Variants in CDADC1 observed in about 807,000 individuals in gnomAD.
The protein encoded by CDADC1 is cytidine and dCMP deaminase domain containing 1.
In CDADC1, 39 loss-of-function variants were observed where a neutral mutation model predicts 54.9. The ratio of observed to expected loss-of-function variants is 0.71; its 90% confidence interval spans 0.55 to 0.93. The LOEUF is 0.93. Among genes scored for constraint, CDADC1 ranks in the 40% least tolerant of loss-of-function variants. The pLI is 0.00. For synonymous variants in CDADC1, 186 were observed against 204.0 expected, an observed-to-expected ratio of 0.91 and a Z score of 0.75; for missense variants, 518 against 618.8, an observed-to-expected ratio of 0.84 and a Z score of 1.73.
rs1459309632 is a variant in CDADC1 at position 49,274,281 on chromosome 13, T to TATC, written c.1001-9_1001-7dup. The TATC allele has an allele frequency of 6.2e-7, 1 of 1,603,500 alleles. No individual in the cohort carries two copies. Among genetic ancestry groups the TATC allele is most frequent in the South Asian group, 1.1e-5 (1 of 90,114 alleles). On this transcript the variant is annotated splice_polypyrimidine_tract_variant and intron_variant, in intron 5 of 9. Transcript: ENST00000251108. Reference sequence around the variant, plus strand: ...AATTTTTACTGAGTTAAATGCCATATATCTTTCAGAGGATCATAAAACAGG... The same window carrying TATC: ...AATTTTTACTGAGTTAAATGCCATATATCATCTTTCAGAGGATCATAAAACAGG...
At position 49,286,236 on chromosome 13, in the gene CDADC1, A is replaced by G; in HGVS notation, c.1425A>G (p.Pro475=). The part of the protein sequence containing the change: ...GVSKFTWQLN[P]SGAYGLEQNE... ...CACTCTTACAGTGGCAGCTGAATCCATCAGGAGCTTATGGTCTTGAACAAA... is the reference window on the plus strand; with the variant it reads ...CACTCTTACAGTGGCAGCTGAATCCGTCAGGAGCTTATGGTCTTGAACAAA... Residue 475 remains proline, a synonymous_variant, in exon 9 of 10, where the codon CCA becomes CCG. Coordinates refer to ENST00000251108, the MANE Select transcript of CDADC1 (RefSeq NM_030911.4). The G allele has an allele frequency of 6.2e-7, 1 of 1,613,718 alleles. No homozygotes were observed. Among genetic ancestry groups the G allele is most frequent in the East Asian group, 2.2e-5 (1 of 44,866 alleles).
Position 49,267,835 on chromosome 13 carries a change from G to C in CDADC1, c.776G>C (p.Gly259Ala). Residue 259 changes from glycine (G) to alanine (A), a missense_variant, in exon 5 of 10, where the codon GGT becomes GCT. Physicochemically the swap from Gly to Ala is moderately conservative, Grantham distance 60 (BLOSUM62 0). Transcript: ENST00000251108. The part of the protein sequence containing the change: ...EMHKQILMTI[G>A]LENLCENPYF... ...CATAAGCAAATACTGATGACTATAG[G>C]TTTGGAGAACCTGTGTGAAAATCCA... 7 of 1,613,924 alleles carry C rather than the reference G, an allele frequency of 4.3e-6. No homozygotes were observed. Among genetic ancestry groups the C allele is most frequent in the Non-Finnish European group, 5.9e-6 (7 of 1,179,880 alleles).
chr13:49,256,027 C>A, intron 3 of CDADC1, 114 bp downstream of exon 3: 1 of 1,379,664 alleles, frequency 7.2e-7, no homozygotes, highest in Non-Finnish European at 9.5e-7. Context: ...TTAAAATACT[C>A]TTCTAAAAAT....
At chr13:49,271,343 C>G (rs1225086592) in intron 5 of CDADC1, among the ~76,000 whole-genome samples, 1 of 152,204 alleles carries the variant, frequency 6.6e-6, no homozygotes, top group Non-Finnish European at 1.5e-5. Context: ...GAGTTGTGAT[C>G]TCTTCGTGTC....
At chr13:49,287,493 T>C (rs1413688940) in intron 9 of CDADC1, among the ~76,000 whole-genome samples, 1 of 152,162 alleles carries the variant, frequency 6.6e-6, no homozygotes, top group African/African-American at 2.4e-5. Flanking sequence ...TATCTATCTA[T>C]CTATCTATCT....
chr13:49,284,174 A>G (rs1345741229), intron 8 of CDADC1, among the ~76,000 whole-genome samples: 1 of 152,184 alleles, frequency 6.6e-6, no homozygotes, highest in African/African-American at 2.4e-5. Context: ...CCATGTCCAC[A>G]TACTCAGTTC....
At chr13:49,291,614 G>T in intron 9 of CDADC1, 70 bp from the exon 10 acceptor site, 1 of 1,486,476 alleles carries the variant, frequency 6.7e-7, no homozygotes, top group East Asian at 2.3e-5. Context: ...CTTACAACAT[G>T]TAAGGCTGAA....
rs188807906 is a variant in CDADC1, at chr13:49,247,989, T to G, written c.-49T>G. ...GGCGGGGGCGCTAGGGCCGAGATCA[T>G]GTCTGACTGGGAGAGGTTTCCTTGG... On this transcript the variant is annotated 5_prime_UTR_variant, in exon 1 of 10. An upstream start codon of the reference 5' UTR is lost. Transcript: ENST00000251108. 2.6e-6 allele frequency: 4 copies of G among 1,513,704 alleles called. No homozygotes were observed. The Admixed American group carries it at 7.9e-5, about 30-fold the overall frequency. The allele number at this position is 1,513,704 out of a possible 1,614,324, so 93.8% of individuals were successfully genotyped here. A position where few individuals can be genotyped will look rare whatever the true frequency, so the allele number is the denominator to read the frequency against.
chr13:49,278,566 T>G, intron 7 of CDADC1, 47 bp downstream of exon 7: 1 of 1,248,908 alleles, frequency 8.0e-7, no homozygotes, highest in Non-Finnish European at 1.1e-6. Context: ...GTAGCAAGGG[T>G]TGGTTGAAAT....
intron 8 of CDADC1, 49 bp from the exon 9 acceptor site, chr13:49,286,173 A>G: frequency 2.2e-6 from 3 of 1,366,570 alleles, no homozygotes; most frequent in Non-Finnish European, 3.1e-6. Flanking sequence ...CTGGAATGCT[A>G]TGTATTAAAT....
intron 5 of CDADC1, among the ~76,000 whole-genome samples, chr13:49,272,883 T>C (rs903239597): frequency 6.6e-6 from 1 of 151,984 alleles, no homozygotes; most frequent in Admixed American, 6.6e-5. Context: ...TGTCAAGGAA[T>C]TCTTTATGTC....
Position 49,268,060 on chromosome 13 carries a change from G to A in CDADC1, c.1000+1G>A. ...GCCAGGTTATTGGCATATCGAACTG[G>A]TGAGTTACATAGATCGTAAATTGGG... On this transcript the variant is annotated splice_donor_variant, in intron 5 of 9. Coordinates refer to ENST00000251108, the MANE Select transcript of CDADC1 (RefSeq NM_030911.4). LOFTEE classifies it high-confidence loss of function. The A allele has an allele frequency of 6.2e-7, 1 of 1,605,454 alleles. No individual in the cohort carries two copies. Among genetic ancestry groups the A allele is most frequent in the Non-Finnish European group, 8.5e-7 (1 of 1,176,582 alleles).
At chr13:49,286,028 G>A in intron 8 of CDADC1, among the ~76,000 whole-genome samples, 194 bp from the exon 9 acceptor site, 1 of 151,942 alleles carries the variant, frequency 6.6e-6, no homozygotes, top group East Asian at 1.9e-4. Context: ...TGGCCAGGTT[G>A]GTCTCAAACT....
intron 9 of CDADC1, among the ~76,000 whole-genome samples, 162 bp downstream of exon 9, chr13:49,286,444 C>T (rs995265156): frequency 2.0e-5 from 3 of 152,124 alleles, no homozygotes; most frequent in Non-Finnish European, 4.4e-5. Context: ...TGTGGGTCTA[C>T]CATATGCTAG....
chr13:49,277,239 G>A (rs113144455), intron 6 of CDADC1, among the ~76,000 whole-genome samples: 138 of 151,978 alleles, frequency 9.1e-4, no homozygotes, highest in African/African-American at 3.1e-3. Context: ...GGGAGGCGGG[G>A]GTGGGAGGAT....
chr13:49,291,117 C>G (rs1312594502), intron 9 of CDADC1, among the ~76,000 whole-genome samples: 1 of 150,932 alleles, frequency 6.6e-6, no homozygotes, highest in African/African-American at 2.4e-5. Context: ...AAACATAAAA[C>G]AAAAAGTTTT....
At chr13:49,268,491 ACTCTAACAAAAAAATTAG>A (rs1288672441) in intron 5 of CDADC1, among the ~76,000 whole-genome samples, 1 of 151,718 alleles carries the variant, frequency 6.6e-6, no homozygotes, top group Non-Finnish European at 1.5e-5. Context: ...CAAGACCTCG[ACTCTAACAAAAAAATTAG>A]CTGGGCATGG....
chr13:49,274,271 A>G lies in CDADC1; in HGVS notation c.1001-20A>G. 1.9e-6 allele frequency: 3 copies of G among 1,588,490 alleles called. No homozygotes were observed. Among genetic ancestry groups the G allele is most frequent in the Non-Finnish European group, 2.6e-6 (3 of 1,163,692 alleles). On this transcript the variant is annotated intron_variant, in intron 5 of 9. Transcript: ENST00000251108. ...AACATATCATAATTTTTACTGAGTT[A>G]AATGCCATATATCTTTCAGAGGATC...
At chr13:49,290,272 C>A (rs928349387) in intron 9 of CDADC1, among the ~76,000 whole-genome samples, 2 of 151,828 alleles carry the variant, frequency 1.3e-5, no homozygotes, top group African/African-American at 4.8e-5. Context: ...CTCCCCCCAA[C>A]ACACATAATG....
Sources: gnomAD v4.1 joint callset for allele counts (sites outside exome capture counted in the v4.1 genomes callset) on GRCh38, gnomAD v4.1.1 for gene constraint, MANE v1.5 for transcripts, NCBI Gene and HGNC (gene_info 2026-07-23, HGNC 2026-07-21) for gene names.